Variants in BCL11A observed in about 807,000 individuals in gnomAD.
BCL11A encodes the protein BCL11 transcription factor A, also known as B cell CLL/lymphoma 11A.
Under a neutral mutation model 55.9 loss-of-function variants are expected in BCL11A, and 2 were observed. The ratio of observed to expected loss-of-function variants is 0.04; its 90% confidence interval spans 0.01 to 0.11. BCL11A has a LOEUF of 0.11. BCL11A is among the 10% of genes least tolerant of loss of function. The pLI, the probability that BCL11A is intolerant of heterozygous loss-of-function variation, is 1.00. For missense variants in BCL11A, 817 were observed against 1,137.1 expected (o/e 0.72, Z 4.05); for synonymous variants, 465 against 473.4 (o/e 0.98, Z 0.23).
chr2:60,467,906 A>G (rs1051531127), intron 3 of BCL11A, among the ~76,000 whole-genome samples: 136 of 8,442 alleles, frequency 0.016, no homozygotes, highest in Non-Finnish European at 0.023. Flanking sequence ...GGTGGTGGTA[A>G]TGGTGGTGGT....
intron 1 of BCL11A, among the ~76,000 whole-genome samples, chr2:60,549,578 C>T (rs144047224): frequency 6.6e-6 from 1 of 152,196 alleles, no homozygotes; most frequent in Non-Finnish European, 1.5e-5. Flanking sequence ...AGGCTCCCGC[C>T]GCGCTTGCTG....
intron 2 of BCL11A, among the ~76,000 whole-genome samples, chr2:60,519,927 T>A (rs1668904250): frequency 6.6e-6 from 1 of 152,228 alleles, no homozygotes; most frequent in South Asian, 2.1e-4. Context: ...CTCTCTAGAC[T>A]TGGAGTGTTA....
intron 2 of BCL11A, among the ~76,000 whole-genome samples, chr2:60,521,755 G>T (rs977916772): frequency 6.6e-6 from 1 of 152,108 alleles, no homozygotes. Flanking sequence ...CCAAAGCCTT[G>T]TCTTCATAAC....
chr2:60,492,235 C>A (rs1317831474), intron 2 of BCL11A, among the ~76,000 whole-genome samples: 1 of 152,132 alleles, frequency 6.6e-6, no homozygotes, highest in African/African-American at 2.4e-5. Flanking sequence ...GGCATGGTGG[C>A]ATGCACCTGT....
At chr2:60,467,168 A>ATGGTGGTGGTGGTGGTGGTGG (rs1169175530) in intron 3 of BCL11A, among the ~76,000 whole-genome samples, 2 of 36,816 alleles carry the variant, frequency 5.4e-5, no homozygotes, top group African/African-American at 1.3e-4. Context: ...GGTGGTGGTG[A>ATGGTGGTGGTGGTGGTGGTGG]TGGTGGTGGT....
chr2:60,546,030 T>C lies in BCL11A; in HGVS notation c.326A>G (p.Asp109Gly), dbSNP rs1430744259. The C allele has an allele frequency of 1.2e-6, 2 of 1,614,230 alleles. No homozygotes were observed. Among genetic ancestry groups the C allele is most frequent in the South Asian group, 1.1e-5 (1 of 91,086 alleles). ...AGATGACGTTGATAAACAATCGTCA[T>C]CCTCTGGCGTGACCTGGATGCCAAC... Reference protein sequence around the residue: ...VEVGIQVTPEDDDCLSTSSRG... With the variant: ...VEVGIQVTPEGDDCLSTSSRG... Residue 109 changes from aspartate (D) to glycine (G), a missense_variant, in exon 2 of 4, where the codon GAT becomes GGT. Coordinates refer to ENST00000642384, the MANE Select transcript of BCL11A (RefSeq NM_022893.4). The surrounding 1 kb of genome is among the most constrained non-coding windows in gnomAD (Gnocchi z 4.1).
rs375507658 is a variant in BCL11A, at chr2:60,462,433, T to C, written c.488-9A>G. On this transcript the variant is annotated splice_polypyrimidine_tract_variant and intron_variant, in intron 3 of 3. Coordinates refer to ENST00000642384, the MANE Select transcript of BCL11A (RefSeq NM_022893.4). ...GCTGGGCTCATCTTTACCTGCAAAATAATACAACACCAACATCAATGTTTA... is the reference window on the plus strand; with the variant it reads ...GCTGGGCTCATCTTTACCTGCAAAACAATACAACACCAACATCAATGTTTA... 2.5e-6 allele frequency: 4 copies of C among 1,583,124 alleles called. No individual in the cohort carries two copies. The African/African-American group carries it at 5.4e-5, about 21-fold the overall frequency.
intron 1 of BCL11A, among the ~76,000 whole-genome samples, chr2:60,547,680 TTTTAA>T (rs757607379): frequency 2.0e-5 from 3 of 152,186 alleles, no homozygotes; most frequent in Non-Finnish European, 2.9e-5. Context: ...AAAAAATAGA[TTTTAA>T]TTTGAGTGTA....
intron 2 of BCL11A, among the ~76,000 whole-genome samples, chr2:60,507,245 AGGGGAGGGGAGGGGAGGGGAGGGGAG>A (rs1679662678): frequency 6.3e-4 from 1 of 1,580 alleles, no homozygotes; most frequent in Non-Finnish European, 1.1e-3. Flanking sequence ...GGAGGGAGGG[AGGGGAGGGGAGGGGAGGGGAGGGGAG>A]GGGAGGGGAG....
intron 2 of BCL11A, among the ~76,000 whole-genome samples, chr2:60,487,596 A>C (rs1678354979): frequency 6.6e-6 from 1 of 152,232 alleles, no homozygotes; most frequent in African/African-American, 2.4e-5. Flanking sequence ...CAAAACAAAA[A>C]AAGGCATGAA....
intron 2 of BCL11A, chr2:60,508,526 A>C (rs1369741495): frequency 1.3e-5 from 2 of 152,264 alleles, no homozygotes; most frequent in Non-Finnish European, 2.9e-5. Flanking sequence ...GTGGAACTGC[A>C]CTGGACTTTT....
rs1013178113 is a variant in BCL11A at position 60,478,827 on chromosome 2, G to A, written c.386-9994C>T. Reference sequence around the variant, plus strand: ...TTCAGAAAACAGGCCTCTGCCCGGGGCATGCTGCAGCTGCTTCTCTGCAGT... The same window carrying A: ...TTCAGAAAACAGGCCTCTGCCCGGGACATGCTGCAGCTGCTTCTCTGCAGT... On this transcript the variant is annotated intron_variant, in intron 2 of 3. Coordinates refer to ENST00000642384, the MANE Select transcript of BCL11A (RefSeq NM_022893.4). Among the ~76,000 whole-genome samples the A allele has an allele frequency of 2.0e-5, 3 of 152,258 alleles. 1 individual carries two copies. In the South Asian group the frequency reaches 6.2e-4, roughly 31 times the overall value.
intron 2 of BCL11A, among the ~76,000 whole-genome samples, chr2:60,482,023 G>A (rs1020276869): frequency 6.6e-6 from 1 of 152,158 alleles, no homozygotes; most frequent in African/African-American, 2.4e-5. Context: ...CCAGTGGAGG[G>A]CTTGTTTGTC....
chr2:60,450,614 C>T (rs1384167352), downstream of BCL11A: 1 of 152,194 alleles, frequency 6.6e-6, no homozygotes, highest in Non-Finnish European at 1.5e-5. Context: ...CCCTAATGGT[C>T]TTATGTTTCA....
In BCL11A at chr2:60,461,990, T is replaced by C. The variant is rs903578823; in HGVS notation, c.922A>G (p.Met308Val). Reference sequence around the variant, plus strand: ...GAGAAATCCATGGCGGGAGGCTCCATAGCCATTGGATTCAACCGCAGCACC... The same window carrying C: ...GAGAAATCCATGGCGGGAGGCTCCACAGCCATTGGATTCAACCGCAGCACC... Reference protein sequence around the residue: ...DRVLRLNPMAMEPPAMDFSRR... With the variant: ...DRVLRLNPMAVEPPAMDFSRR... Residue 308 changes from methionine to valine, a missense_variant, in exon 4 of 4, where the codon ATG becomes GTG. Met to Val is a conservative substitution (Grantham distance 21, BLOSUM62 1). Around this residue, in one of 4 missense-constraint regions of BCL11A, gnomAD observed 363 missense variants for 486.6 expected, o/e 0.75. Coordinates refer to ENST00000642384, the MANE Select transcript of BCL11A (RefSeq NM_022893.4). 5 of 1,613,604 alleles carry C rather than the reference T, an allele frequency of 3.1e-6. No individual in the cohort carries two copies. Among genetic ancestry groups the C allele is most frequent in the South Asian group, 1.1e-5 (1 of 91,084 alleles).
chr2:60,529,931 C>T (rs1225516415), intron 2 of BCL11A, among the ~76,000 whole-genome samples: 1 of 152,218 alleles, frequency 6.6e-6, no homozygotes, highest in African/African-American at 2.4e-5. Flanking sequence ...GGAACTAGAA[C>T]ATGCCTCCTG....
intron 2 of BCL11A, among the ~76,000 whole-genome samples, chr2:60,472,320 C>A (rs1444719040): frequency 9.2e-5 from 14 of 152,228 alleles, no homozygotes; most frequent in Admixed American, 3.9e-4. Context: ...ACAGCAGGAA[C>A]TGGACTCTTG....
At position 60,461,473 on chromosome 2, in the gene BCL11A, G is replaced by C. The variant is rs757924667; in HGVS notation, c.1439C>G (p.Pro480Arg). ...CTCTTCCTCCTCGTCCCCGTTCTCC[G>C]GGATCAGGTTGGGGTCGTTCTCGCT... Reference protein sequence around the residue: ...FKSENDPNLIPENGDEEEEED... With the variant: ...FKSENDPNLIRENGDEEEEED... The change falls in exon 4 of 4, where the codon CCG becomes CGG. Residue 480 changes from proline to arginine, a missense_variant. Physicochemically the swap from Pro to Arg is moderately radical, Grantham distance 103. Around this residue, in one of 4 missense-constraint regions of BCL11A, gnomAD observed 379 missense variants for 425.3 expected, o/e 0.89. Transcript: ENST00000642384. 3.7e-5 allele frequency: 59 copies of C among 1,604,504 alleles called. No homozygotes were observed. The highest frequency in any genetic ancestry group is 4.8e-5 in the Non-Finnish European group (57 of 1,179,700).
At chr2:60,551,461 C>CA in intron 1 of BCL11A, among the ~76,000 whole-genome samples, 1 of 152,296 alleles carries the variant, frequency 6.6e-6, no homozygotes, top group Non-Finnish European at 1.5e-5. Context: ...GCTCGGGGCG[C>CA]AGGGGGACTG....
Sources: allele counts gnomAD v4.1 joint callset (sites outside exome capture counted in the v4.1 genomes callset), GRCh38; gene constraint gnomAD v4.1.1; regional missense constraint gnomAD v4.1.1; non-coding constraint Gnocchi (gnomAD v3.1); transcripts MANE v1.5; gene names NCBI Gene and HGNC (gene_info 2026-07-23, HGNC 2026-07-21).